The following CPEB1 variants were observed in gnomAD, a reference collection of about 807,000 sequenced individuals.
CPEB1 encodes the protein cytoplasmic polyadenylation element-binding protein 1.
CPEB1 carries 7 observed loss-of-function variants against 65.8 expected under a neutral mutation model. That is an observed-to-expected ratio of 0.11 (90% CI 0.06 to 0.20). The LOEUF is 0.20. CPEB1 is among the 10% of genes least tolerant of loss of function. CPEB1 has a pLI of 1.00. For missense variants in CPEB1, 551 were observed against 712.2 expected (o/e 0.77, Z 2.58); for synonymous variants, 262 against 260.0 (o/e 1.01, Z -0.08).
chr15:82,551,744 A>G (rs546243809), intron 9 of CPEB1, among the ~76,000 whole-genome samples: 1 of 152,276 alleles, frequency 6.6e-6, no homozygotes, highest in East Asian at 1.9e-4. Context: ...TGAGCTCAAA[A>G]CTTGCTTTGA....
At chr15:82,590,264 T>A (rs952648380) in intron 3 of CPEB1, among the ~76,000 whole-genome samples, 1 of 142,166 alleles carries the variant, frequency 7.0e-6, no homozygotes, top group Non-Finnish European at 1.5e-5. Flanking sequence ...CATTAATTCC[T>A]AAGAAAACTC....
At chr15:82,591,145 C>T (rs1172258245) in intron 3 of CPEB1, among the ~76,000 whole-genome samples, 2 of 152,132 alleles carry the variant, frequency 1.3e-5, no homozygotes, top group East Asian at 1.9e-4. Flanking sequence ...AGTGTGTAAG[C>T]GTTCCCTTTT....
chr15:82,581,525 A>G (rs912170036), intron 3 of CPEB1, among the ~76,000 whole-genome samples: 12 of 152,018 alleles, frequency 7.9e-5, no homozygotes. Context: ...GAAGCACCAC[A>G]CTCTTTTCCC....
intron 4 of CPEB1, among the ~76,000 whole-genome samples, chr15:82,565,662 G>A (rs539178527): frequency 8.1e-4 from 123 of 152,308 alleles, no homozygotes; most frequent in African/African-American, 2.5e-3. Flanking sequence ...AACCTAGATG[G>A]ATTAGAGGAG....
chr15:82,605,584 AATATATT>A (rs2043504140), intron 3 of CPEB1, among the ~76,000 whole-genome samples: 1 of 152,182 alleles, frequency 6.6e-6, no homozygotes, highest in Non-Finnish European at 1.5e-5. Context: ...TGAGGTAATG[AATATATT>A]AGCTTTAATC....
intron 3 of CPEB1, among the ~76,000 whole-genome samples, chr15:82,583,841 T>C (rs995503771): frequency 2.0e-5 from 3 of 152,132 alleles, no homozygotes; most frequent in African/African-American, 4.8e-5. Context: ...AATATTGAAA[T>C]AGTAAATAAA....
chr15:82,640,678 G>T (rs1032068123), intron 1 of CPEB1: 1 of 152,052 alleles, frequency 6.6e-6, no homozygotes, highest in Non-Finnish European at 1.5e-5. Context: ...ACACGCATTC[G>T]GTAGTCCAAT....
At chr15:82,604,440 C>G (rs1177171347) in intron 3 of CPEB1, among the ~76,000 whole-genome samples, 2 of 150,110 alleles carry the variant, frequency 1.3e-5, no homozygotes, top group African/African-American at 4.9e-5. Flanking sequence ...CGAGATTGAT[C>G]GCGCCACTAC....
chr15:82,557,596 G>A (rs1404372176), intron 5 of CPEB1, 164 bp downstream of exon 5: 4 of 622,356 alleles, frequency 6.4e-6, no homozygotes, highest in African/African-American at 1.8e-5. Context: ...TGTTAAGGAT[G>A]AGAACTCTAC....
chr15:82,588,579 G>A (rs902987580), intron 3 of CPEB1, among the ~76,000 whole-genome samples: 8 of 152,082 alleles, frequency 5.3e-5, no homozygotes, highest in African/African-American at 1.9e-4. Flanking sequence ...CTCTACTGAT[G>A]AGCATTCAGG....
intron 1 of CPEB1, chr15:82,629,899 C>G (rs1366947033): frequency 1.0e-6 from 1 of 985,272 alleles, no homozygotes; most frequent in Non-Finnish European, 1.2e-6. Flanking sequence ...TCACGTCAGC[C>G]TCAAGTTCTT....
intron 4 of CPEB1, among the ~76,000 whole-genome samples, chr15:82,561,693 C>T (rs927534611): frequency 2.0e-5 from 3 of 152,126 alleles, no homozygotes; most frequent in African/African-American, 7.2e-5. Context: ...CCTGTTTTAC[C>T]AGCCACAAAC....
chr15:82,590,157 A>G (rs1483644272), intron 3 of CPEB1, among the ~76,000 whole-genome samples: 2 of 143,736 alleles, frequency 1.4e-5, no homozygotes, highest in Non-Finnish European at 3.0e-5. Flanking sequence ...ATTAGTGTTG[A>G]CTAAAAGAAG....
intron 3 of CPEB1, among the ~76,000 whole-genome samples, chr15:82,595,827 T>C (rs1217377524): frequency 1.3e-5 from 2 of 152,214 alleles, no homozygotes; most frequent in Non-Finnish European, 2.9e-5. Context: ...CTAATGTATC[T>C]AGGTAGTGAC....
rs1016125814 is a variant in CPEB1, at chr15:82,606,328, C to T, written c.271+20865G>A. On this transcript the variant is annotated intron_variant, in intron 3 of 12. Transcript: ENST00000684509. ...AACTAAAAATACCAAAAAAATTAGC[C>T]GGGCATGGTGATGGGTACCTGGTAT... 6.6e-5 allele frequency among the ~76,000 whole-genome samples: 10 copies of T among 151,614 alleles called. No individual in the cohort carries two copies. The South Asian group carries it at 1.9e-3, about 28-fold the overall frequency.
intron 1 of CPEB1, 180 bp downstream of exon 1, chr15:82,646,957 T>C (rs1023127492): frequency 6.6e-6 from 1 of 152,308 alleles, no homozygotes; most frequent in South Asian, 2.1e-4. Context: ...CGCCCCTGAG[T>C]CTGGGCACCT....
chr15:82,619,696 T>G (rs2045114521), intron 3 of CPEB1, among the ~76,000 whole-genome samples: 1 of 152,116 alleles, frequency 6.6e-6, no homozygotes, highest in Non-Finnish European at 1.5e-5. Flanking sequence ...CTCAACTTCA[T>G]CAGTCACTAA....
At chr15:82,575,590 T>G (rs942382182) in intron 3 of CPEB1, among the ~76,000 whole-genome samples, 1 of 152,102 alleles carries the variant, frequency 6.6e-6, no homozygotes, top group Non-Finnish European at 1.5e-5. Flanking sequence ...AAAGAAATCT[T>G]AACTGAAAAG....
At chr15:82,615,439 G>A (rs2151270003) in intron 3 of CPEB1, among the ~76,000 whole-genome samples, 1 of 152,236 alleles carries the variant, frequency 6.6e-6, no homozygotes, top group Non-Finnish European at 1.5e-5. Context: ...CAACTATGTA[G>A]CAGAAGAGCA....
Sources: gnomAD v4.1 joint callset for allele counts (sites outside exome capture counted in the v4.1 genomes callset) on GRCh38, gnomAD v4.1.1 for gene constraint, MANE v1.5 for transcripts, NCBI Gene and HGNC (gene_info 2026-07-23, HGNC 2026-07-21) for gene names.